Variants in KCNH7 observed in about 807,000 individuals in gnomAD.
KCNH7 encodes the protein potassium voltage-gated channel subfamily H member 7.
Under a neutral mutation model 120.8 loss-of-function variants are expected in KCNH7, and 49 were observed. That is an observed-to-expected ratio of 0.41 (90% CI 0.32 to 0.51). The LOEUF is 0.51. Among genes scored for constraint, KCNH7 ranks in the 20% least tolerant of loss-of-function variants. The pLI, the probability that KCNH7 is intolerant of heterozygous loss-of-function variation, is 0.38. For missense variants in KCNH7, 1,097 were observed against 1,446.6 expected (o/e 0.76, Z 3.92); for synonymous variants, 547 against 516.1 (o/e 1.06, Z -0.81).
chr2:162,558,279 A>G (rs1366087196), intron 2 of KCNH7, among the ~76,000 whole-genome samples: 1 of 151,122 alleles, frequency 6.6e-6, no homozygotes, highest in African/African-American at 2.4e-5. Flanking sequence ...GGTTCACGCC[A>G]TTCTCCTGCC....
At chr2:162,736,029 G>A (rs561375558) in intron 2 of KCNH7, among the ~76,000 whole-genome samples, 2 of 152,250 alleles carry the variant, frequency 1.3e-5, no homozygotes, top group African/African-American at 4.8e-5. Flanking sequence ...AATGTCTGGT[G>A]GAACTGATGT....
chr2:162,602,294 G>T (rs1466803789), intron 2 of KCNH7, among the ~76,000 whole-genome samples: 1 of 152,000 alleles, frequency 6.6e-6, no homozygotes, highest in Non-Finnish European at 1.5e-5. Flanking sequence ...GAACTGGAAG[G>T]TTGTTTAACA....
intron 2 of KCNH7, among the ~76,000 whole-genome samples, chr2:162,655,292 TAA>T (rs1268324164): frequency 6.6e-6 from 1 of 152,208 alleles, no homozygotes; most frequent in African/African-American, 2.4e-5. Context: ...ATTGATCAAT[TAA>T]AAAGTTTATT....
rs146457420 is a variant in KCNH7, at chr2:162,372,155, A to G, written c.3325-60T>C. 3.3e-4 allele frequency: 440 copies of G among 1,322,930 alleles called. No homozygotes were observed. In the African/African-American group the frequency reaches 5.7e-3, roughly 17 times the overall value. The allele number at this position is 1,322,930 out of a possible 1,614,324, so 81.9% of individuals were successfully genotyped here. On this transcript the variant is annotated intron_variant, in intron 15 of 15. Transcript: ENST00000332142. ...TCACATTGATAGATAGTCATTGAAA[A>G]TTACACTAATAAAAACTTAAGCATT...
intron 4 of KCNH7, among the ~76,000 whole-genome samples, chr2:162,513,646 C>A (rs951890664): frequency 6.6e-6 from 1 of 151,564 alleles, no homozygotes; most frequent in Non-Finnish European, 1.5e-5. Flanking sequence ...GTCTGCCTGG[C>A]TCCACTCTGC....
At chr2:162,627,942 T>C (rs1683617179) in intron 2 of KCNH7, among the ~76,000 whole-genome samples, 1 of 152,068 alleles carries the variant, frequency 6.6e-6, no homozygotes, top group African/African-American at 2.4e-5. Flanking sequence ...TTTAAGAAAG[T>C]TTTGTCTTTG....
In KCNH7 at chr2:162,825,602, G is replaced by A. The variant is rs114979644; in HGVS notation, c.307+10935C>T. On this transcript the variant is annotated intron_variant, in intron 2 of 15. Transcript: ENST00000332142. ...CTATTTAGTAAGGAAAAAAGTACAG[G>A]TGGTCAAGATGGTTGAACAGACTTT... Among the ~76,000 whole-genome samples, 401 of 152,106 alleles carry A rather than the reference G, an allele frequency of 2.6e-3. 1 individual carries two copies. The highest frequency in any genetic ancestry group is 9.3e-3 in the African/African-American group (387 of 41,524).
At chr2:162,592,551 G>A (rs1332226184) in intron 2 of KCNH7, among the ~76,000 whole-genome samples, 2 of 152,016 alleles carry the variant, frequency 1.3e-5, no homozygotes, top group African/African-American at 2.4e-5. Context: ...ATGAACAGGT[G>A]TCAGGACTTA....
At chr2:162,377,624 T>C (rs1356212826) in intron 14 of KCNH7, among the ~76,000 whole-genome samples, 1 of 152,164 alleles carries the variant, frequency 6.6e-6, no homozygotes, top group Non-Finnish European at 1.5e-5. Flanking sequence ...TACAGTGGCT[T>C]CTGTGCAAGG....
At chr2:162,519,651 C>G (rs992218485) in intron 3 of KCNH7, among the ~76,000 whole-genome samples, 6 of 151,720 alleles carry the variant, frequency 4.0e-5, no homozygotes, top group Admixed American at 2.6e-4. Context: ...ATCTGTAACC[C>G]AAAGCTTCTC....
intron 3 of KCNH7, among the ~76,000 whole-genome samples, chr2:162,520,552 G>T (rs949683085): frequency 1.3e-5 from 2 of 151,712 alleles, no homozygotes; most frequent in Non-Finnish European, 2.9e-5. Context: ...TTGAGGTCAG[G>T]CATTTGAGAT....
chr2:162,758,463 C>T (rs1478140670), intron 2 of KCNH7, among the ~76,000 whole-genome samples: 1 of 151,958 alleles, frequency 6.6e-6, no homozygotes, highest in Non-Finnish European at 1.5e-5. Context: ...TATATGTACA[C>T]ACACATATAT....
intron 6 of KCNH7, among the ~76,000 whole-genome samples, chr2:162,498,892 G>A (rs1237784133): frequency 6.6e-6 from 1 of 151,990 alleles, no homozygotes; most frequent in Non-Finnish European, 1.5e-5. Flanking sequence ...TCACCCCAAA[G>A]CAGATCTTTC....
chr2:162,536,296 A>G (rs1692105716), intron 3 of KCNH7, among the ~76,000 whole-genome samples: 1 of 151,996 alleles, frequency 6.6e-6, no homozygotes, highest in Admixed American at 6.6e-5. Context: ...TATAAAAGAA[A>G]TGGATAGTTG....
At chr2:162,787,495 G>T (rs1683755178) in intron 2 of KCNH7, among the ~76,000 whole-genome samples, 2 of 151,802 alleles carry the variant, frequency 1.3e-5, no homozygotes. Flanking sequence ...ACGAATTCAG[G>T]CTTGAGGCTG....
intron 2 of KCNH7, among the ~76,000 whole-genome samples, chr2:162,685,077 C>T (rs549010696): frequency 3.9e-5 from 6 of 152,212 alleles, no homozygotes; most frequent in Non-Finnish European, 4.4e-5. Context: ...AACCATCATT[C>T]TCAGCAAACT....
chr2:162,431,374 A>G (rs902308365), intron 8 of KCNH7, among the ~76,000 whole-genome samples: 1 of 151,912 alleles, frequency 6.6e-6, no homozygotes, highest in African/African-American at 2.4e-5. Flanking sequence ...AATGGGTCTG[A>G]GGAGTATGTG....
At chr2:162,516,002 G>A (rs149274980) in intron 4 of KCNH7, among the ~76,000 whole-genome samples, 85 of 151,806 alleles carry the variant, frequency 5.6e-4, no homozygotes, top group Admixed American at 2.8e-3. Context: ...GTATGATGGA[G>A]CAGATAACTC....
At chr2:162,826,304 A>T (rs911823130) in intron 2 of KCNH7, among the ~76,000 whole-genome samples, 1 of 152,092 alleles carries the variant, frequency 6.6e-6, no homozygotes, top group African/African-American at 2.4e-5. Context: ...TGGTTTGTAA[A>T]CATGCTTATA....
Sources: allele counts gnomAD v4.1 joint callset (sites outside exome capture counted in the v4.1 genomes callset), GRCh38; gene constraint gnomAD v4.1.1; transcripts MANE v1.5; gene names NCBI Gene and HGNC (gene_info 2026-07-23, HGNC 2026-07-21).